CTNNA2: variants seen among roughly 807,000 people sequenced by gnomAD.
The protein encoded by CTNNA2 is catenin alpha 2, also known as catenin alpha-2.
A neutral mutation model predicts 101.0 loss-of-function variants in CTNNA2; 42 were observed. The ratio of observed to expected loss-of-function variants is 0.42; its 90% confidence interval spans 0.32 to 0.54. CTNNA2 has a LOEUF of 0.54. Ranked by LOEUF, CTNNA2 falls within the 20% of genes least tolerant of loss-of-function variation. The probability of loss-of-function intolerance (pLI) is 0.14; values close to 1 mark genes in which losing one functional copy is unlikely to be tolerated. For missense variants in CTNNA2, 871 were observed against 1,223.1 expected, an observed-to-expected ratio of 0.71 and a Z score of 4.29; for synonymous variants, 450 against 456.4, an observed-to-expected ratio of 0.99 and a Z score of 0.18.
intron 13 of CTNNA2, among the ~76,000 whole-genome samples, chr2:80,578,308 G>A (rs1177421654): frequency 6.6e-6 from 1 of 152,146 alleles, no homozygotes; most frequent in South Asian, 2.1e-4. Flanking sequence ...TTCCCAAAGA[G>A]CACATAGAAC....
chr2:80,348,049 G>A (rs1392562480), intron 7 of CTNNA2, among the ~76,000 whole-genome samples: 1 of 152,020 alleles, frequency 6.6e-6, no homozygotes, highest in Non-Finnish European at 1.5e-5. Context: ...CAGAGTTTGA[G>A]AGCCTCTAGT....
chr2:79,746,368 C>G (rs143497391), intron 3 of CTNNA2, among the ~76,000 whole-genome samples: 1 of 152,258 alleles, frequency 6.6e-6, no homozygotes, highest in Non-Finnish European at 1.5e-5. Flanking sequence ...CCTTTTCACT[C>G]TATTGTGACC....
At chr2:80,504,460 T>C (rs1210529993) in intron 9 of CTNNA2, among the ~76,000 whole-genome samples, 2 of 152,118 alleles carry the variant, frequency 1.3e-5, no homozygotes, top group African/African-American at 2.4e-5. Flanking sequence ...GGAATGACAA[T>C]CCCGTAGTAT....
intron 1 of CTNNA2, among the ~76,000 whole-genome samples, chr2:79,597,257 G>C (rs1677254849): frequency 6.6e-6 from 1 of 152,090 alleles, no homozygotes; most frequent in East Asian, 1.9e-4. Flanking sequence ...ATGATCACAA[G>C]GTCAGGAGAT....
At chr2:79,881,740 T>A (rs1457403759) in intron 6 of CTNNA2, among the ~76,000 whole-genome samples, 1 of 151,742 alleles carries the variant, frequency 6.6e-6, no homozygotes, top group Non-Finnish European at 1.5e-5. Context: ...AGCACACTGA[T>A]GGGTCTTGAC....
At chr2:79,413,380 T>C (rs1678439517) in intron 4 of CTNNA2, among the ~76,000 whole-genome samples, 1 of 152,092 alleles carries the variant, frequency 6.6e-6, no homozygotes, top group Non-Finnish European at 1.5e-5. Flanking sequence ...TTGCAAATGA[T>C]AGAATTTTCC....
At chr2:80,277,658 T>C (rs1253265678) in intron 7 of CTNNA2, among the ~76,000 whole-genome samples, 1 of 150,514 alleles carries the variant, frequency 6.6e-6, no homozygotes, top group Non-Finnish European at 1.5e-5. Context: ...AGGAACAAAA[T>C]GAGAAAATGT....
chr2:80,372,420 T>C (rs1246957985), intron 7 of CTNNA2, among the ~76,000 whole-genome samples: 1 of 151,170 alleles, frequency 6.6e-6, no homozygotes, highest in African/African-American at 2.4e-5. Context: ...GTAGCAAAGG[T>C]TGCTCTTTCT....
intron 9 of CTNNA2, among the ~76,000 whole-genome samples, chr2:80,492,918 G>A (rs1178504465): frequency 6.6e-6 from 1 of 151,988 alleles, no homozygotes; most frequent in South Asian, 2.1e-4. Flanking sequence ...CTAAAATGTG[G>A]GACCCCGAAT....
At chr2:80,084,682 T>G (rs1356216776) in intron 7 of CTNNA2, among the ~76,000 whole-genome samples, 1 of 152,126 alleles carries the variant, frequency 6.6e-6, no homozygotes, top group African/African-American at 2.4e-5. Context: ...ATGAATACAT[T>G]AATTAACTAC....
At chr2:80,267,392 C>T (rs1325134089) in intron 7 of CTNNA2, among the ~76,000 whole-genome samples, 1 of 152,216 alleles carries the variant, frequency 6.6e-6, no homozygotes, top group Non-Finnish European at 1.5e-5. Context: ...GGGAATAAGA[C>T]TGGCATTTGC....
At chr2:79,334,737 G>T (rs922258925) in intron 3 of CTNNA2, among the ~76,000 whole-genome samples, 9 of 152,116 alleles carry the variant, frequency 5.9e-5, no homozygotes, top group African/African-American at 2.2e-4. Context: ...ATGTGATCTG[G>T]CAAGGAGAGA....
intron 7 of CTNNA2, among the ~76,000 whole-genome samples, chr2:80,387,930 C>T (rs917889169): frequency 7.9e-5 from 12 of 152,144 alleles, no homozygotes; most frequent in Admixed American, 6.5e-5. Flanking sequence ...CGCCTGGCTT[C>T]GTTTTTTAAT....
At chr2:80,533,889 T>C (rs1690759544) in intron 9 of CTNNA2, among the ~76,000 whole-genome samples, 1 of 152,160 alleles carries the variant, frequency 6.6e-6, no homozygotes, top group Non-Finnish European at 1.5e-5. Flanking sequence ...TCTCCTATCC[T>C]TTTCACATAA....
chr2:80,042,177 C>A (rs932538039), intron 7 of CTNNA2, among the ~76,000 whole-genome samples: 2 of 152,194 alleles, frequency 1.3e-5, no homozygotes, highest in African/African-American at 4.8e-5. Context: ...GTTGACCAGG[C>A]TGGTCTTGAA....
chr2:79,328,671 G>A (rs145650867), intron 3 of CTNNA2, among the ~76,000 whole-genome samples: 285 of 152,282 alleles, frequency 1.9e-3, no homozygotes, highest in African/African-American at 6.8e-3. Context: ...AGTACAGCAT[G>A]TTAGGAAGAT....
At chr2:80,553,234 ATAAAAT>A (rs753555228) in intron 11 of CTNNA2, among the ~76,000 whole-genome samples, 1 of 144,298 alleles carries the variant, frequency 6.9e-6, no homozygotes, top group East Asian at 2.1e-4. Flanking sequence ...AAAAAAAAAA[ATAAAAT>A]AAAATAAAAT....
chr2:79,952,235 T>C (rs1422006951), intron 7 of CTNNA2, among the ~76,000 whole-genome samples: 1 of 152,180 alleles, frequency 6.6e-6, no homozygotes, highest in African/African-American at 2.4e-5. Flanking sequence ...TCATGTCTTA[T>C]ATTTGTCCTG....
chr2:80,414,176 G>A (rs1679838979), intron 8 of CTNNA2, among the ~76,000 whole-genome samples: 1 of 152,154 alleles, frequency 6.6e-6, no homozygotes, highest in Non-Finnish European at 1.5e-5. Context: ...TTGATTAGTA[G>A]TAGCTACTTG....
Sources: allele counts gnomAD v4.1 joint callset (sites outside exome capture counted in the v4.1 genomes callset), GRCh38; gene constraint gnomAD v4.1.1; transcripts MANE v1.5; gene names NCBI Gene and HGNC (gene_info 2026-07-23, HGNC 2026-07-21).